YIPF7: variants seen among roughly 807,000 people sequenced by gnomAD.
The protein encoded by YIPF7 is Yip1 domain family member 7.
YIPF7 carries 35 observed loss-of-function variants against 27.2 expected under a neutral mutation model. The ratio of observed to expected loss-of-function variants is 1.29; its 90% confidence interval spans 0.98 to 1.70. The LOEUF (loss-of-function observed/expected upper bound fraction) is 1.70, where lower values mean the gene tolerates loss of function less well. YIPF7 is among the 40% of genes most tolerant of loss of function. The probability of loss-of-function intolerance (pLI) is 0.00; values close to 1 mark genes in which losing one functional copy is unlikely to be tolerated. For synonymous variants in YIPF7, 137 were observed against 110.4 expected, an observed-to-expected ratio of 1.24 and a Z score of -1.51; for missense variants, 358 against 303.7, an observed-to-expected ratio of 1.18 and a Z score of -1.33.
chr4:44,633,087 C>A (rs1712978371), intron 3 of YIPF7, among the ~76,000 whole-genome samples: 1 of 152,162 alleles, frequency 6.6e-6, no homozygotes, highest in South Asian at 2.1e-4. Flanking sequence ...AGGATCTAGG[C>A]TGCACGCTTG....
intron 4 of YIPF7, among the ~76,000 whole-genome samples, chr4:44,628,507 T>C (rs1712752210): frequency 6.6e-6 from 1 of 152,146 alleles, no homozygotes. Context: ...ATGTTTAATT[T>C]CCCATATTAT....
intron 4 of YIPF7, among the ~76,000 whole-genome samples, chr4:44,626,844 C>G (rs1347554123): frequency 7.9e-6 from 1 of 126,532 alleles, no homozygotes; most frequent in African/African-American, 2.9e-5. Flanking sequence ...GGTGCTAACT[C>G]GGCTCACTGC....
At chr4:44,628,409 T>A (rs78230548) in intron 4 of YIPF7, among the ~76,000 whole-genome samples, 4,578 of 152,220 alleles carry the variant, frequency 0.03, 157 homozygotes, top group East Asian at 0.1. Flanking sequence ...AAATTGTATA[T>A]CCATTGGAAG....
intron 4 of YIPF7, among the ~76,000 whole-genome samples, chr4:44,626,922 C>T (rs145147701): frequency 0.022 from 3,254 of 151,004 alleles, 106 homozygotes; most frequent in African/African-American, 0.065. Context: ...ACTACAGGTG[C>T]CTGCCACCAC....
chr4:44,632,769 G>C (rs893865255), intron 3 of YIPF7, among the ~76,000 whole-genome samples: 1 of 152,100 alleles, frequency 6.6e-6, no homozygotes, highest in African/African-American at 2.4e-5. Context: ...GACAAAAGAG[G>C]CTTGAGGCTT....
chr4:44,651,749 C>A, upstream of YIPF7: 1 of 519,270 alleles, frequency 1.9e-6, no homozygotes. Context: ...TCTTATAACA[C>A]TTATTATGGT....
At chr4:44,658,119 T>C (rs965710038) in intron 2 of YIPF7, among the ~76,000 whole-genome samples, 2 of 152,082 alleles carry the variant, frequency 1.3e-5, no homozygotes, top group Non-Finnish European at 2.9e-5. Flanking sequence ...CCTCCCCCTG[T>C]CCCCCTACCA....
At chr4:44,624,214 G>A (rs182025359) in intron 5 of YIPF7, among the ~76,000 whole-genome samples, 61 of 151,768 alleles carry the variant, frequency 4.0e-4, no homozygotes, top group East Asian at 5.9e-4. Context: ...ACAGGCCTGC[G>A]CCACCATGCC....
upstream of YIPF7, chr4:44,651,639 C>CAT: frequency 6.4e-7 from 1 of 1,566,562 alleles, no homozygotes; most frequent in South Asian, 1.2e-5. Flanking sequence ...GAAAAGATGA[C>CAT]ATGCTGGCTA....
chr4:44,630,160 G>T (rs1712836852), intron 3 of YIPF7, among the ~76,000 whole-genome samples: 1 of 152,032 alleles, frequency 6.6e-6, no homozygotes, highest in Non-Finnish European at 1.5e-5. Context: ...TAGTGGCGAG[G>T]TCTCACTATG....
intron 1 of YIPF7, among the ~76,000 whole-genome samples, chr4:44,661,244 C>T (rs1047559898): frequency 1.3e-5 from 2 of 152,120 alleles, no homozygotes; most frequent in African/African-American, 2.4e-5. Context: ...GACTATAAAC[C>T]ATTTGTTAAG....
At chr4:44,660,498 CTG>C (rs1714018451) in exon 2 of YIPF7, 1 of 152,154 alleles carries the variant, frequency 6.6e-6, no homozygotes, top group African/African-American at 2.4e-5. Context: ...CATGGAGAGA[CTG>C]TGACTACAAG....
chr4:44,654,138 G>T (rs1713821466), upstream of YIPF7, among the ~76,000 whole-genome samples: 1 of 152,038 alleles, frequency 6.6e-6, no homozygotes, highest in Non-Finnish European at 1.5e-5. Flanking sequence ...GCATAGGCAA[G>T]AATATTTTAG....
At chr4:44,651,723 A>G, upstream of YIPF7, 1 of 741,588 alleles carries the variant, frequency 1.3e-6, no homozygotes, top group Non-Finnish European at 2.1e-6. Flanking sequence ...AAGCCTGCCA[A>G]AAGCCAAATA....
intron 2 of YIPF7, among the ~76,000 whole-genome samples, chr4:44,644,822 T>A (rs1166211692): frequency 3.3e-5 from 5 of 151,982 alleles, no homozygotes; most frequent in Non-Finnish European, 7.4e-5. Context: ...CAGCTGGAGG[T>A]GGGGCCTAGA....
Position 44,628,603 on chromosome 4 carries a change from A to C in YIPF7, c.426+800T>G, listed in dbSNP as rs765109688. Among the ~76,000 whole-genome samples, 39 of 152,110 alleles carry C rather than the reference A, an allele frequency of 2.6e-4. 1 individual carries two copies. The highest frequency in any genetic ancestry group is 3.2e-4 in the Non-Finnish European group (22 of 67,960). On this transcript the variant is annotated intron_variant, in intron 4 of 5. Transcript: ENST00000415895. Reference sequence around the variant, plus strand: ...ACCATCTTTATCATTTTCTGTTTTTAATGTATTGCCACCTCCTCCTTGGTA... The same window carrying C: ...ACCATCTTTATCATTTTCTGTTTTTCATGTATTGCCACCTCCTCCTTGGTA...
At chr4:44,648,440 C>A (rs1291463354) in intron 2 of YIPF7, among the ~76,000 whole-genome samples, 4 of 152,038 alleles carry the variant, frequency 2.6e-5, no homozygotes, top group Non-Finnish European at 5.9e-5. Flanking sequence ...TCATATGGTG[C>A]TCCAATGAGT....
intron 1 of YIPF7, among the ~76,000 whole-genome samples, chr4:44,660,813 G>A (rs1443441496): frequency 1.3e-5 from 2 of 152,184 alleles, no homozygotes; most frequent in African/African-American, 2.4e-5. Flanking sequence ...AGCTCAAAGG[G>A]TCCCAGGCTT....
chr4:44,622,463 T>G lies in YIPF7; in HGVS notation c.722A>C (p.Tyr241Ser). Residue 241 changes from tyrosine (Y) to serine (S), a missense_variant, in exon 6 of 6, where the codon TAC (tyrosine) becomes TCC (serine). By Grantham distance (144) the Tyr-to-Ser change is moderately radical. Transcript: ENST00000415895. ...HMEGQQLLVA[Y>S]PCAILYGLFA... ...AAGTCCATAAAGTATGGCACAAGGG[T>G]AGGCAACAAGAAGCTGCTGTCCTTC... is the stretch of plus-strand genomic sequence containing the variant. 6.2e-7 allele frequency: 1 copy of G among 1,613,816 alleles called. No individual in the cohort carries two copies. Among genetic ancestry groups the G allele is most frequent in the South Asian group, 1.1e-5 (1 of 91,050 alleles).
Sources: gnomAD v4.1 joint callset for allele counts (sites outside exome capture counted in the v4.1 genomes callset) on GRCh38, gnomAD v4.1.1 for gene constraint, MANE v1.5 for transcripts, NCBI Gene and HGNC (gene_info 2026-07-23, HGNC 2026-07-21) for gene names.